The following SMURF2 variants were observed in gnomAD, a reference collection of about 807,000 sequenced individuals.
The protein encoded by SMURF2 is SMAD specific E3 ubiquitin protein ligase 2.
Under a neutral mutation model 109.6 loss-of-function variants are expected in SMURF2, and 48 were observed. The ratio of observed to expected loss-of-function variants is 0.44; its 90% CI spans 0.35 to 0.56. The LOEUF (loss-of-function observed/expected upper bound fraction) is 0.56. Among genes scored for constraint, SMURF2 ranks in the 20% least tolerant of loss-of-function variants. SMURF2 has a pLI of 0.01. For missense variants in SMURF2, 575 were observed against 909.0 expected (o/e 0.63, Z 4.72); for synonymous variants, 288 against 317.1 (o/e 0.91, Z 0.97).
At position 64,545,734 on chromosome 17, in the gene SMURF2, G is replaced by GC. The variant is rs1491212191; in HGVS notation, c.*113_*114insG. 129 of 23,458 alleles carry GC rather than the reference G, an allele frequency of 5.5e-3. No homozygotes were observed. Among genetic ancestry groups the GC allele is most frequent in the African/African-American group, 0.042 (117 of 2,762 alleles). The allele number at this position is 23,458 out of a possible 1,614,324, so 1.5% of individuals were successfully genotyped here. ...TAAAATGTAAAAAAAAAAAAAAAAA[G>GC]GGGGGGGGGGGGAGTGTTTTCCTGT... is the stretch of plus-strand genomic sequence containing the variant. On this transcript the variant is annotated 3_prime_UTR_variant, in exon 19 of 19. Transcript: ENST00000262435.
intron 2 of SMURF2, among the ~76,000 whole-genome samples, chr17:64,604,938 C>T (rs1409366050): frequency 2.6e-5 from 4 of 151,066 alleles, no homozygotes; most frequent in Non-Finnish European, 1.5e-5. Context: ...AGTGAGACTC[C>T]GTCTAAAAAA....
intron 5 of SMURF2, 44 bp from the exon 6 acceptor site, chr17:64,586,214 AGAACT>A: frequency 1.5e-6 from 2 of 1,302,826 alleles, no homozygotes; most frequent in South Asian, 2.7e-5. Context: ...ACAACTAGAA[AGAACT>A]ATTATAATCT....
At chr17:64,648,321 A>T (rs1970588901) in intron 1 of SMURF2, among the ~76,000 whole-genome samples, 1 of 152,140 alleles carries the variant, frequency 6.6e-6, no homozygotes, top group East Asian at 1.9e-4. Context: ...CATCAAGTCA[A>T]ATATTAACAA....
chr17:64,568,075 C>T (rs1366799486), intron 10 of SMURF2, among the ~76,000 whole-genome samples: 5 of 151,970 alleles, frequency 3.3e-5, no homozygotes, highest in Non-Finnish European at 5.9e-5. Flanking sequence ...AGGATGGTCT[C>T]GATCTCCTGA....
At chr17:64,636,975 T>A (rs1180594505) in intron 1 of SMURF2, among the ~76,000 whole-genome samples, 1 of 151,946 alleles carries the variant, frequency 6.6e-6, no homozygotes, top group Non-Finnish European at 1.5e-5. Flanking sequence ...ATCCTGTCAC[T>A]TTGGCAGGCC....
chr17:64,604,096 C>A (rs1969936335), intron 2 of SMURF2, among the ~76,000 whole-genome samples: 1 of 152,150 alleles, frequency 6.6e-6, no homozygotes, highest in African/African-American at 2.4e-5. Flanking sequence ...ATGTGGGCAA[C>A]CCTTAACAGG....
At chr17:64,566,485 T>A (rs1239761495) in intron 10 of SMURF2, among the ~76,000 whole-genome samples, 5 of 149,626 alleles carry the variant, frequency 3.3e-5, no homozygotes, top group Non-Finnish European at 5.9e-5. Flanking sequence ...GCTGGAGTTG[T>A]GAAATCCTGT....
At chr17:64,660,482 G>A (rs1309520294) in intron 1 of SMURF2, among the ~76,000 whole-genome samples, 1 of 152,138 alleles carries the variant, frequency 6.6e-6, no homozygotes, top group Non-Finnish European at 1.5e-5. Flanking sequence ...TTTCCCTAGG[G>A]AAAGGAAAAC....
intron 1 of SMURF2, among the ~76,000 whole-genome samples, chr17:64,647,763 CA>C (rs1211638337): frequency 6.6e-6 from 1 of 151,174 alleles, no homozygotes; most frequent in East Asian, 2.0e-4. Flanking sequence ...AGATTACCTA[CA>C]AAGACACCTT....
intron 9 of SMURF2, among the ~76,000 whole-genome samples, chr17:64,572,526 C>T (rs868991929): frequency 2.6e-5 from 4 of 152,316 alleles, no homozygotes; most frequent in South Asian, 4.1e-4. Context: ...GTTTAAGATA[C>T]ATTACCAAGA....
At chr17:64,598,621 T>C (rs1555688295) in intron 2 of SMURF2, 131 bp from the exon 3 acceptor site, 5 of 625,418 alleles carry the variant, frequency 8.0e-6, no homozygotes, top group East Asian at 6.4e-5. Context: ...TATAAATGAA[T>C]AGTCCATTTT....
chr17:64,613,673 AGTGTGTGTGTGTGTGTGT>A lies in SMURF2; in HGVS notation c.53-7051_53-7034del, dbSNP rs61060865. Among the ~76,000 whole-genome samples, 178 of 20,790 alleles carry A rather than the reference AGTGTGTGTGTGTGTGTGT, an allele frequency of 8.6e-3. 1 individual carries two copies. Among genetic ancestry groups the A allele is most frequent in the East Asian group, 0.022 (11 of 510 alleles). 13.6% of individuals were successfully genotyped at this position (20,790 alleles called of 152,430 possible). A position where few individuals can be genotyped will look rare whatever the true frequency, so the allele number is the denominator to read the frequency against. On this transcript the variant is annotated intron_variant, in intron 1 of 18. Transcript: ENST00000262435. ...ATGGAAGACAAGTTTTCCACGGACCAGTGTGTGTGTGTGTGTGTGTGTGTGTGTGTGTGTGTGTGTGTG... is the reference window on the plus strand; with the variant it reads ...ATGGAAGACAAGTTTTCCACGGACCAGTGTGTGTGTGTGTGTGTGTGTGTG...
chr17:64,553,701 C>A lies in SMURF2; in HGVS notation c.1748+1155G>T, dbSNP rs532325913. On this transcript the variant is annotated intron_variant, in intron 15 of 18. Coordinates refer to ENST00000262435, the MANE Select transcript of SMURF2 (RefSeq NM_022739.4). ...TAGTGTAACTTTTTTTCACAAGTAG[C>A]ATTTAATTGACCGTCTTTCCCCGTA... 1.8e-4 allele frequency among the ~76,000 whole-genome samples: 28 copies of A among 152,136 alleles called. 1 individual carries two copies. Among genetic ancestry groups the A allele is most frequent in the Non-Finnish European group, 1.0e-4 (7 of 68,002 alleles).
chr17:64,583,455 T>A lies in SMURF2; in HGVS notation c.569+6A>T. Reference sequence around the variant, plus strand: ...AGATCATGAGAAAATATTTGTATGTTCTTACCGTGTTGGGCGCTCCCATTG... The same window carrying A: ...AGATCATGAGAAAATATTTGTATGTACTTACCGTGTTGGGCGCTCCCATTG... On this transcript the variant is annotated splice_donor_region_variant and intron_variant, in intron 7 of 18. Transcript: ENST00000262435. 1 of 1,609,610 alleles carries A rather than the reference T, an allele frequency of 6.2e-7. No homozygotes were observed. Among genetic ancestry groups the A allele is most frequent in the Non-Finnish European group, 8.5e-7 (1 of 1,175,828 alleles).
chr17:64,568,127 T>C (rs1428447265), intron 10 of SMURF2, among the ~76,000 whole-genome samples: 3 of 152,100 alleles, frequency 2.0e-5, no homozygotes, highest in African/African-American at 7.2e-5. Flanking sequence ...GTGGTGGGAT[T>C]ACAGGTGTGG....
At chr17:64,626,770 A>G (rs1483791167) in intron 1 of SMURF2, among the ~76,000 whole-genome samples, 1 of 149,760 alleles carries the variant, frequency 6.7e-6, no homozygotes, top group African/African-American at 2.4e-5. Flanking sequence ...CAAAAAAACA[A>G]AACAAAACAA....
At chr17:64,552,808 G>T (rs1969064376) in intron 15 of SMURF2, among the ~76,000 whole-genome samples, 2 of 152,050 alleles carry the variant, frequency 1.3e-5, no homozygotes, top group Admixed American at 1.3e-4. Flanking sequence ...GGTTCAAGCG[G>T]TTCTCCTGCC....
intron 1 of SMURF2, among the ~76,000 whole-genome samples, chr17:64,636,778 C>CA (rs1298776977): frequency 1.0e-4 from 14 of 136,404 alleles, no homozygotes; most frequent in African/African-American, 3.6e-4. Flanking sequence ...GACTCCGCCT[C>CA]AAAAAAAGAA....
intron 1 of SMURF2, among the ~76,000 whole-genome samples, chr17:64,633,062 G>C (rs1334749041): frequency 6.6e-6 from 1 of 152,222 alleles, no homozygotes; most frequent in Non-Finnish European, 1.5e-5. Context: ...CTTGAGCCCA[G>C]AAGTTCGAGG....
Sources: gnomAD v4.1 joint callset for allele counts (sites outside exome capture counted in the v4.1 genomes callset) on GRCh38, gnomAD v4.1.1 for gene constraint, MANE v1.5 for transcripts, NCBI Gene and HGNC (gene_info 2026-07-23, HGNC 2026-07-21) for gene names.